OXR1: variants seen among roughly 807,000 people sequenced by gnomAD.
OXR1 encodes the protein oxidation resistance 1.
In OXR1, 41 loss-of-function variants were observed where a neutral mutation model predicts 104.6. That is an observed-to-expected ratio of 0.39 (90% confidence interval 0.31 to 0.51). The LOEUF is 0.51. OXR1 is among the 20% of genes least tolerant of loss of function. The pLI is 0.77. For missense variants in OXR1, 955 were observed against 1,031.9 expected (o/e 0.93, Z 1.02); for synonymous variants, 348 against 348.4 (o/e 1.00, Z 0.01).
At chr8:106,715,866 A>G (rs1442009130) in intron 11 of OXR1, among the ~76,000 whole-genome samples, 1 of 152,158 alleles carries the variant, frequency 6.6e-6, no homozygotes, top group African/African-American at 2.4e-5. Context: ...CAGTCCTTTG[A>G]CCGGAATTGG....
intron 3 of OXR1, among the ~76,000 whole-genome samples, chr8:106,581,409 T>C (rs1271790318): frequency 1.3e-5 from 2 of 152,178 alleles, no homozygotes; most frequent in Non-Finnish European, 2.9e-5. Flanking sequence ...GATATTTGTT[T>C]AGTGGCCCTT....
Position 106,679,285 on chromosome 8 carries a change from A to G in OXR1, c.296A>G (p.Glu99Gly), listed in dbSNP as rs28921397. The change falls in exon 4 of 17, where the codon GAG becomes GGG. Residue 99 changes from glutamate to glycine, a missense_variant. Coordinates refer to ENST00000517566, the MANE Select transcript of OXR1 (RefSeq NM_001198533.2). Reference protein sequence around the residue: ...MSFQKPKGTIEYTVESRDSLN... With the variant: ...MSFQKPKGTIGYTVESRDSLN... Reference sequence around the variant, plus strand: ...TTTCAGAAACCTAAAGGGACTATTGAGTATACTGTAAGTTATTTGCTTTCG... The same window carrying G: ...TTTCAGAAACCTAAAGGGACTATTGGGTATACTGTAAGTTATTTGCTTTCG... The G allele has an allele frequency of 9.5e-5, 148 of 1,552,122 alleles. No individual in the cohort carries two copies. In the East Asian group the frequency reaches 2.6e-3, roughly 27 times the overall value.
At chr8:106,704,747 A>G (rs1240358591) in intron 8 of OXR1, among the ~76,000 whole-genome samples, 1 of 151,970 alleles carries the variant, frequency 6.6e-6, no homozygotes, top group East Asian at 1.9e-4. Flanking sequence ...CTTATTCTGA[A>G]CAATCCATCA....
intron 10 of OXR1, 34 bp downstream of exon 10, chr8:106,710,824 T>C: frequency 3.9e-6 from 5 of 1,274,358 alleles, no homozygotes; most frequent in South Asian, 2.1e-5. Context: ...GAGAGCATTA[T>C]TGAGATTCTT....
At chr8:106,715,310 A>G (rs1195642496) in intron 11 of OXR1, among the ~76,000 whole-genome samples, 1 of 151,636 alleles carries the variant, frequency 6.6e-6, no homozygotes, top group Non-Finnish European at 1.5e-5. Context: ...AGGGTGGCTC[A>G]GGGACAGGAG....
intron 3 of OXR1, among the ~76,000 whole-genome samples, chr8:106,602,994 A>G (rs1158201537): frequency 6.6e-6 from 1 of 152,208 alleles, no homozygotes; most frequent in Non-Finnish European, 1.5e-5. Flanking sequence ...AATGGTATAT[A>G]AGAAAGCTAG....
At chr8:106,435,895 A>G (rs1819547232) in intron 2 of OXR1, among the ~76,000 whole-genome samples, 1 of 152,166 alleles carries the variant, frequency 6.6e-6, no homozygotes. Flanking sequence ...TCATACAAAT[A>G]TGACCAAAAG....
intron 3 of OXR1, among the ~76,000 whole-genome samples, chr8:106,609,481 C>T (rs1289017828): frequency 6.6e-6 from 1 of 152,090 alleles, no homozygotes; most frequent in Non-Finnish European, 1.5e-5. Context: ...TCTTTCAAAC[C>T]TATTACTTTT....
At chr8:106,576,651 T>C (rs1429803343) in intron 3 of OXR1, among the ~76,000 whole-genome samples, 1 of 152,006 alleles carries the variant, frequency 6.6e-6, no homozygotes, top group Non-Finnish European at 1.5e-5. Flanking sequence ...TAAAAATCAT[T>C]ATTTAGGCAT....
At chr8:106,636,847 G>A (rs1260323587) in intron 3 of OXR1, among the ~76,000 whole-genome samples, 1 of 152,134 alleles carries the variant, frequency 6.6e-6, no homozygotes, top group African/African-American at 2.4e-5. Flanking sequence ...TATGCCCATG[G>A]TGACAGGCTC....
At chr8:106,707,309 T>A in intron 9 of OXR1, 164 bp downstream of exon 9, 1 of 691,286 alleles carries the variant, frequency 1.4e-6, no homozygotes, top group Non-Finnish European at 2.6e-6. Context: ...CTCCAGTGTC[T>A]ACTGTCTTTT....
intron 3 of OXR1, among the ~76,000 whole-genome samples, chr8:106,558,715 A>G (rs2130472957): frequency 6.6e-6 from 1 of 152,338 alleles, no homozygotes; most frequent in East Asian, 1.9e-4. Flanking sequence ...AGACAACCGA[A>G]AATCTTTTCC....
intron 1 of OXR1, among the ~76,000 whole-genome samples, chr8:106,323,220 G>C (rs1394747294): frequency 6.6e-6 from 1 of 152,128 alleles, no homozygotes; most frequent in Non-Finnish European, 1.5e-5. Context: ...AGAGAGCCCA[G>C]AAAGAAGTCT....
intron 7 of OXR1, chr8:106,697,684 A>G: frequency 6.2e-7 from 1 of 1,614,058 alleles, no homozygotes; most frequent in East Asian, 2.2e-5. Flanking sequence ...AGTTTGGAAG[A>G]TGTCAGTGGT....
chr8:106,569,266 A>G (rs1234932147), intron 3 of OXR1, among the ~76,000 whole-genome samples: 1 of 151,942 alleles, frequency 6.6e-6, no homozygotes, highest in Non-Finnish European at 1.5e-5. Context: ...CTTTCTTCTC[A>G]ATGATTTTGT....
In OXR1 at chr8:106,317,418, G is replaced by T. The variant is rs1586514607; in HGVS notation, c.-138-42058G>T. On this transcript the variant is annotated intron_variant, in intron 1 of 16. Transcript: ENST00000517566. ...TTTCATTTATTTATTTTTAGCAATA[G>T]GAATACAGGAAACTATACCAAATTT... Among the ~76,000 whole-genome samples the T allele has an allele frequency of 2.0e-5, 3 of 152,100 alleles. No homozygotes were observed. In the East Asian group the frequency reaches 5.8e-4, roughly 29 times the overall value.
chr8:106,638,966 C>CT, intron 3 of OXR1, among the ~76,000 whole-genome samples: 1 of 151,566 alleles, frequency 6.6e-6, no homozygotes, highest in Admixed American at 6.6e-5. Context: ...ATCTAATTGG[C>CT]TTTTTTCTTT....
At chr8:106,632,901 T>C (rs1822810410) in intron 3 of OXR1, among the ~76,000 whole-genome samples, 1 of 152,080 alleles carries the variant, frequency 6.6e-6, no homozygotes, top group Non-Finnish European at 1.5e-5. Flanking sequence ...ATCACACCAC[T>C]GCACTCCAGC....
intron 3 of OXR1, among the ~76,000 whole-genome samples, chr8:106,634,242 G>A (rs1327637395): frequency 6.6e-6 from 1 of 152,158 alleles, no homozygotes; most frequent in Non-Finnish European, 1.5e-5. Flanking sequence ...CTAACAATAT[G>A]CTCCCTCTGA....
Sources: allele counts gnomAD v4.1 joint callset (sites outside exome capture counted in the v4.1 genomes callset), GRCh38; gene constraint gnomAD v4.1.1; transcripts MANE v1.5; gene names NCBI Gene and HGNC (gene_info 2026-07-23, HGNC 2026-07-21).